Variants in DOCK1 observed in about 807,000 individuals in gnomAD.
DOCK1 encodes dedicator of cytokinesis protein 1.
In DOCK1, 138 loss-of-function variants were observed where a neutral mutation model predicts 262.7. The observed-to-expected ratio is 0.53, with a 90% confidence interval of 0.46 to 0.61. The LOEUF (loss-of-function observed/expected upper bound fraction) is 0.61. Among genes scored for constraint, DOCK1 ranks in the 20% least tolerant of loss-of-function variants. The pLI is 0.00. For synonymous variants in DOCK1, 866 were observed against 867.4 expected, an observed-to-expected ratio of 1.00 and a Z score of 0.03; for missense variants, 1,908 against 2,370.7, an observed-to-expected ratio of 0.80 and a Z score of 4.05.
intron 35 of DOCK1, among the ~76,000 whole-genome samples, chr10:127,374,878 G>A (rs1022529873): frequency 6.6e-6 from 1 of 152,182 alleles, no homozygotes; most frequent in Non-Finnish European, 1.5e-5. Context: ...GAGCTTTCTA[G>A]GGGAACGTTG....
intron 42 of DOCK1, among the ~76,000 whole-genome samples, chr10:127,409,670 G>T (rs149235085): frequency 1.1e-4 from 16 of 152,282 alleles, no homozygotes; most frequent in South Asian, 2.1e-4. Flanking sequence ...AGGCCGTCTG[G>T]TCTCCTTTAT....
At chr10:127,449,429 A>G (rs1399833952) in intron 51 of DOCK1, among the ~76,000 whole-genome samples, 1 of 152,178 alleles carries the variant, frequency 6.6e-6, no homozygotes, top group African/African-American at 2.4e-5. Context: ...CCGGGGTAAC[A>G]TTTTATTGTC....
intron 16 of DOCK1, among the ~76,000 whole-genome samples, chr10:127,028,380 T>C (rs113082134): frequency 0.01 from 1,539 of 152,318 alleles, 17 homozygotes; most frequent in African/African-American, 0.028. Context: ...TATGCTCTTA[T>C]CATGTGCCCG....
At chr10:127,294,665 T>G (rs2061447779) in intron 29 of DOCK1, among the ~76,000 whole-genome samples, 1 of 143,914 alleles carries the variant, frequency 6.9e-6, no homozygotes, top group Non-Finnish European at 1.5e-5. Context: ...TTTTTTTTTT[T>G]TAAGATGGAG....
intron 47 of DOCK1, among the ~76,000 whole-genome samples, chr10:127,432,513 C>T (rs2069368247): frequency 6.6e-6 from 1 of 152,052 alleles, no homozygotes; most frequent in African/African-American, 2.4e-5. Context: ...AAGGAAGGTC[C>T]TTGTGCAGCA....
At chr10:127,283,881 C>T (rs1321355779) in intron 29 of DOCK1, among the ~76,000 whole-genome samples, 1 of 152,098 alleles carries the variant, frequency 6.6e-6, no homozygotes, top group African/African-American at 2.4e-5. Context: ...GCATTATTTC[C>T]TAGGACACAT....
chr10:127,452,471 A>G lies in DOCK1; in HGVS notation c.*1044A>G, dbSNP rs981842365. ...ATCATGATACTCTTCTAATAGACTTAAAAGTTAATCATTGACAACGAAAAA... is the reference window on the plus strand; with the variant it reads ...ATCATGATACTCTTCTAATAGACTTGAAAGTTAATCATTGACAACGAAAAA... On this transcript the variant is annotated 3_prime_UTR_variant, in exon 52 of 52. Coordinates refer to ENST00000623213, the MANE Select transcript of DOCK1 (RefSeq NM_001290223.2). The G allele has an allele frequency of 8.5e-5, 13 of 152,656 alleles. No individual in the cohort carries two copies. The highest frequency in any genetic ancestry group is 3.1e-4 in the African/African-American group (13 of 41,466). The allele number at this position is 152,656 out of a possible 1,614,324, so 9.5% of individuals were successfully genotyped here.
intron 2 of DOCK1, among the ~76,000 whole-genome samples, chr10:126,975,434 G>T (rs956648903): frequency 3.3e-5 from 5 of 152,128 alleles, no homozygotes; most frequent in Non-Finnish European, 7.4e-5. Flanking sequence ...CAGGCTGGTT[G>T]CCGCAGTGGA....
At chr10:127,362,882 T>TCC (rs1554956227) in intron 33 of DOCK1, among the ~76,000 whole-genome samples, 2 of 3,610 alleles carry the variant, frequency 5.5e-4, no homozygotes, top group African/African-American at 2.2e-3. Context: ...CACATACACA[T>TCC]CCCCACACAC....
At chr10:126,909,799 T>C (rs2031497253) in intron 1 of DOCK1, among the ~76,000 whole-genome samples, 2 of 152,240 alleles carry the variant, frequency 1.3e-5, no homozygotes, top group Non-Finnish European at 1.5e-5. Flanking sequence ...CAACGAAGCG[T>C]TGCTTTTGTT....
chr10:126,991,036 G>C (rs919357622), intron 6 of DOCK1, among the ~76,000 whole-genome samples: 2 of 152,234 alleles, frequency 1.3e-5, no homozygotes, highest in African/African-American at 4.8e-5. Context: ...TGGAAAGTTT[G>C]TCACCTGTGT....
chr10:127,021,819 G>T (rs2042444527), intron 13 of DOCK1, among the ~76,000 whole-genome samples: 1 of 151,652 alleles, frequency 6.6e-6, no homozygotes, highest in Non-Finnish European at 1.5e-5. Flanking sequence ...AGCCAAAATA[G>T]AGCAGTTTAA....
chr10:126,927,850 C>T (rs2033876331), intron 1 of DOCK1, among the ~76,000 whole-genome samples: 2 of 152,284 alleles, frequency 1.3e-5, no homozygotes, highest in African/African-American at 4.8e-5. Flanking sequence ...GCTTGGTGTC[C>T]ACCCTTGGGT....
chr10:127,343,868 G>A, intron 31 of DOCK1, 122 bp downstream of exon 31: 1 of 836,380 alleles, frequency 1.2e-6, no homozygotes, highest in Non-Finnish European at 1.8e-6. Context: ...TAATGAAAGG[G>A]TGGTTTTAAA....
intron 27 of DOCK1, among the ~76,000 whole-genome samples, chr10:127,158,012 C>A (rs1310977734): frequency 6.6e-6 from 1 of 152,200 alleles, no homozygotes; most frequent in Non-Finnish European, 1.5e-5. Flanking sequence ...ATTGTGCTTA[C>A]TGCTTTCATA....
intron 27 of DOCK1, among the ~76,000 whole-genome samples, chr10:127,216,675 C>T (rs771968102): frequency 3.3e-5 from 5 of 152,162 alleles, no homozygotes; most frequent in South Asian, 2.1e-4. Context: ...CCATCCCAAC[C>T]GCCCCAGAGC....
intron 43 of DOCK1, 29 bp downstream of exon 43, chr10:127,410,953 A>G (rs1590942055): frequency 6.2e-7 from 1 of 1,603,998 alleles, no homozygotes; most frequent in South Asian, 1.1e-5. Flanking sequence ...ACCAAACCAA[A>G]CAACAAAAAA....
chr10:127,291,197 G>A (rs1173517033), intron 29 of DOCK1, among the ~76,000 whole-genome samples: 1 of 152,198 alleles, frequency 6.6e-6, no homozygotes, highest in Non-Finnish European at 1.5e-5. Flanking sequence ...GCAGCACAGA[G>A]GCTCACCGTG....
intron 27 of DOCK1, among the ~76,000 whole-genome samples, chr10:127,245,853 G>A (rs1054839509): frequency 2.0e-5 from 3 of 152,156 alleles, no homozygotes; most frequent in African/African-American, 7.2e-5. Flanking sequence ...ATAAATAGCT[G>A]ACTTTGTGAT....
Sources: allele counts gnomAD v4.1 joint callset (sites outside exome capture counted in the v4.1 genomes callset), GRCh38; gene constraint gnomAD v4.1.1; transcripts MANE v1.5; gene names NCBI Gene and HGNC (gene_info 2026-07-23, HGNC 2026-07-21).